OR10AG1: variants seen among roughly 807,000 people sequenced by gnomAD.
OR10AG1 encodes olfactory receptor family 10 subfamily AG member 1.
For synonymous variants in OR10AG1, 147 were observed against 128.6 expected (o/e 1.14, Z -0.97); for missense variants, 433 against 376.5 (o/e 1.15, Z -1.24).
chr11:55,966,769 C>T lies in OR10AG1; in HGVS notation c.*789G>A, dbSNP rs76938356. 3.9e-5 allele frequency: 6 copies of T among 152,128 alleles called. No individual in the cohort carries two copies. The East Asian group carries it at 9.7e-4, about 25-fold the overall frequency. 9.4% of individuals were successfully genotyped at this position (152,128 alleles called of 1,614,324 possible). A position where few individuals can be genotyped will look rare whatever the true frequency, so the allele number is the denominator to read the frequency against. On this transcript the variant is annotated 3_prime_UTR_variant, in exon 2 of 2. Coordinates refer to ENST00000641071, the MANE Select transcript of OR10AG1 (RefSeq NM_001005491.2). ...CTTTGTCTTTTATAATAACACTTGT[C>T]GTTGGACTTCATGTGCAACCTAAAT...
Position 55,967,852 on chromosome 11 carries a change from C to G in OR10AG1, c.672G>C (p.Leu224Phe). The G allele has an allele frequency of 6.2e-7, 1 of 1,614,074 alleles. No homozygotes were observed. Among genetic ancestry groups the G allele is most frequent in the Non-Finnish European group, 8.5e-7 (1 of 1,179,992 alleles). ...TAATTTTGCCATAAGAGACAACAATCAACAGAAATGGCACCGTGATAAACA... is the reference window on the plus strand; with the variant it reads ...TAATTTTGCCATAAGAGACAACAATGAACAGAAATGGCACCGTGATAAACA... ...AVVFITVPFL[L>F]IVVSYGKIIS... Residue 224 changes from leucine (L) to phenylalanine (F), a missense_variant, in exon 2 of 2, where the codon TTG becomes TTC. Physicochemically the swap from Leu to Phe is conservative, Grantham distance 22. Transcript: ENST00000641071.
At chr11:55,969,334 C>T (rs762991705) in intron 1 of OR10AG1, among the ~76,000 whole-genome samples, 2 of 152,044 alleles carry the variant, frequency 1.3e-5, no homozygotes, top group Non-Finnish European at 2.9e-5. Context: ...TTAAACCCAG[C>T]TAACATTTAC....
chr11:55,967,003 C>T lies in OR10AG1; in HGVS notation c.*555G>A, dbSNP rs1312691781. ...GCTACAAGGAAAGAAAATATGTTATCAGAGACGAGTAAGATGTAGGCAGTT... is the reference window on the plus strand; with the variant it reads ...GCTACAAGGAAAGAAAATATGTTATTAGAGACGAGTAAGATGTAGGCAGTT... On this transcript the variant is annotated 3_prime_UTR_variant, in exon 2 of 2. Transcript: ENST00000641071. The T allele has an allele frequency of 6.6e-6, 1 of 152,094 alleles. No homozygotes were observed. The highest frequency in any genetic ancestry group is 1.5e-5 in the Non-Finnish European group (1 of 68,074). The allele number at this position is 152,094 out of a possible 1,614,324, so 9.4% of individuals were successfully genotyped here. A position where few individuals can be genotyped will look rare whatever the true frequency, so the allele number is the denominator to read the frequency against.
intron 1 of OR10AG1, among the ~76,000 whole-genome samples, 151 bp downstream of exon 1, chr11:55,969,741 G>C (rs1852725102): frequency 6.6e-6 from 1 of 152,046 alleles, no homozygotes; most frequent in Admixed American, 6.6e-5. Flanking sequence ...TAACTTTGTA[G>C]TGAAGAGATA....
chr11:55,966,891 T>C lies in OR10AG1; in HGVS notation c.*667A>G, dbSNP rs914763521. On this transcript the variant is annotated 3_prime_UTR_variant, in exon 2 of 2. Coordinates refer to ENST00000641071, the MANE Select transcript of OR10AG1 (RefSeq NM_001005491.2). The stretch of plus-strand genomic sequence containing the variant: ...TTTGAAGGTTCTAGTTGGAGATTTC[T>C]ATTTTGAGGGTCCAACATTCAACCC... 5.3e-5 allele frequency: 8 copies of C among 152,106 alleles called. No homozygotes were observed. Among genetic ancestry groups the C allele is most frequent in the African/African-American group, 1.9e-4 (8 of 41,354 alleles). The allele number at this position is 152,106 out of a possible 1,614,324, so 9.4% of individuals were successfully genotyped here. A position where few individuals can be genotyped will look rare whatever the true frequency, so the allele number is the denominator to read the frequency against.
In OR10AG1 at chr11:55,967,534, T is replaced by C; in HGVS notation, c.*24A>G. Reference sequence around the variant, plus strand: ...ACATGACAAACCTATAAAGAAATTATTTCTGTAATTTCAAGTCTTCATCTC... The same window carrying C: ...ACATGACAAACCTATAAAGAAATTACTTCTGTAATTTCAAGTCTTCATCTC... On this transcript the variant is annotated 3_prime_UTR_variant, in exon 2 of 2. Coordinates refer to ENST00000641071, the MANE Select transcript of OR10AG1 (RefSeq NM_001005491.2). The C allele has an allele frequency of 1.4e-6, 2 of 1,445,664 alleles. No homozygotes were observed. Among genetic ancestry groups the C allele is most frequent in the African/African-American group, 1.4e-5 (1 of 70,114 alleles). 89.6% of individuals were successfully genotyped at this position (1,445,664 alleles called of 1,614,324 possible).
rs1590670676 is a variant in OR10AG1 at position 55,965,813 on chromosome 11, C to A, written c.*1745G>T. On this transcript the variant is annotated 3_prime_UTR_variant, in exon 2 of 2. Coordinates refer to ENST00000641071, the MANE Select transcript of OR10AG1 (RefSeq NM_001005491.2). ...AATTGTAAATTAAAATATAATAAAA[C>A]AGAAATCTTCTGAATTCTTGCCAGT... 1 of 151,950 alleles carries A rather than the reference C, an allele frequency of 6.6e-6. No homozygotes were observed. The highest frequency in any genetic ancestry group is 1.5e-5 in the Non-Finnish European group (1 of 67,968). 9.4% of individuals were successfully genotyped at this position (151,950 alleles called of 1,614,324 possible). A position where few individuals can be genotyped will look rare whatever the true frequency, so the allele number is the denominator to read the frequency against.
Position 55,967,547 on chromosome 11 carries a change from A to T in OR10AG1, c.*11T>A. 6.7e-7 allele frequency: 1 copy of T among 1,499,432 alleles called. No homozygotes were observed. The highest frequency in any genetic ancestry group is 9.1e-7 in the Non-Finnish European group (1 of 1,102,890). 92.9% of individuals were successfully genotyped at this position (1,499,432 alleles called of 1,614,324 possible). On this transcript the variant is annotated 3_prime_UTR_variant, in exon 2 of 2. Coordinates refer to ENST00000641071, the MANE Select transcript of OR10AG1 (RefSeq NM_001005491.2). ...ATAAAGAAATTATTTCTGTAATTTC[A>T]AGTCTTCATCTCATGTTAATAACTT...
rs1328227884 is a variant in OR10AG1, at chr11:55,968,358, T to A, written c.166A>T (p.Ile56Leu). 1.2e-6 allele frequency: 2 copies of A among 1,609,648 alleles called. No homozygotes were observed. The highest frequency in any genetic ancestry group is 2.7e-5 in the African/African-American group (2 of 74,846). ...GGGTGAATTTTTATTAGTAGTATTATGATGCCATTGCACATCAGGATCATC... is the reference window on the plus strand; with the variant it reads ...GGGTGAATTTTTATTAGTAGTATTAAGATGCCATTGCACATCAGGATCATC... ...YLMILMCNGI[I>L]ILLIKIHPAL... Residue 56 changes from isoleucine to leucine, a missense_variant, in exon 2 of 2, where the codon ATA becomes TTA. By Grantham distance (5) the Ile-to-Leu change is conservative (BLOSUM62 2). Transcript: ENST00000641071.
At position 55,968,373 on chromosome 11, in the gene OR10AG1, T is replaced by C; in HGVS notation, c.151A>G (p.Met51Val). ...AGTAGTATTATGATGCCATTGCACA[T>C]CAGGATCATCAAATACATAAGTAAA... ...IFLLMYLMIL[M>V]CNGIIILLIK... Residue 51 changes from methionine (M) to valine (V), a missense_variant, in exon 2 of 2, where the codon ATG (methionine) becomes GTG (valine). Met to Val is a conservative substitution (Grantham distance 21). Transcript: ENST00000641071. 5.0e-6 allele frequency: 8 copies of C among 1,605,496 alleles called. No individual in the cohort carries two copies. The highest frequency in any genetic ancestry group is 6.8e-6 in the Non-Finnish European group (8 of 1,172,706).
intron 1 of OR10AG1, among the ~76,000 whole-genome samples, chr11:55,969,669 T>C (rs561490627): frequency 9.2e-5 from 14 of 152,260 alleles, no homozygotes; most frequent in Admixed American, 4.6e-4. Flanking sequence ...GTTTTCAAAA[T>C]TGCCTTAAAT....
chr11:55,968,079 GGTTCATCAC>G lies in OR10AG1; in HGVS notation c.436_444del (p.Val146_Asn148del), dbSNP rs769527853. 1.2e-6 allele frequency: 2 copies of G among 1,614,020 alleles called. No homozygotes were observed. Among genetic ancestry groups the G allele is most frequent in the East Asian group, 4.5e-5 (2 of 44,870 alleles). ...ATTATCAGCTGAATGCAGACTTTGT[GGTTCATCAC>G]TAGAGGATACTGCAAAGGCTTACAA... On this transcript the variant is annotated inframe_deletion, in exon 2 of 2. Transcript: ENST00000641071.
At position 55,968,432 on chromosome 11, in the gene OR10AG1, A is replaced by G. The variant is rs1368155018; in HGVS notation, c.92T>C (p.Ile31Thr). The G allele has an allele frequency of 6.4e-7, 1 of 1,568,188 alleles. No individual in the cohort carries two copies. The highest frequency in any genetic ancestry group is 8.6e-7 in the Non-Finnish European group (1 of 1,159,172). ...AAAAAGCATCCAGTGGAGATTGGGA[A>G]TATCAGAAAACCCCAAAAGAACAAA... ...MEFVLLGFSD[I>T]PNLHWMLFSI... The change falls in exon 2 of 2, where the codon ATT becomes ACT. Residue 31 changes from isoleucine (I) to threonine (T), a missense_variant. By Grantham distance (89) the Ile-to-Thr change is moderately conservative (BLOSUM62 -1). Transcript: ENST00000641071.
In OR10AG1 at chr11:55,966,928, G is replaced by A. The variant is rs1165175188; in HGVS notation, c.*630C>T. 6.6e-6 allele frequency: 1 copy of A among 152,086 alleles called. No individual in the cohort carries two copies. The highest frequency in any genetic ancestry group is 1.5e-5 in the Non-Finnish European group (1 of 68,052). 9.4% of individuals were successfully genotyped at this position (152,086 alleles called of 1,614,324 possible). A position where few individuals can be genotyped will look rare whatever the true frequency, so the allele number is the denominator to read the frequency against. ...CCAACATTCAACCCAACACACATAG[G>A]TAAGGCTAGTTTAGGATGAAAACTA... On this transcript the variant is annotated 3_prime_UTR_variant, in exon 2 of 2. Transcript: ENST00000641071.
chr11:55,969,875 AC>A lies in OR10AG1; in HGVS notation c.16+16del. On this transcript the variant is annotated intron_variant, in intron 1 of 1. Coordinates refer to ENST00000641071, the MANE Select transcript of OR10AG1 (RefSeq NM_001005491.2). ...TATTCTTAAATAAAATAGTCTGTCA[AC>A]CCAATTATGGCTTACCTTTAGGGAT... 1 of 398,302 alleles carries A rather than the reference AC, an allele frequency of 2.5e-6. No homozygotes were observed. Among genetic ancestry groups the A allele is most frequent in the Non-Finnish European group, 4.4e-6 (1 of 225,934 alleles). 24.7% of individuals were successfully genotyped at this position (398,302 alleles called of 1,614,324 possible). A position where few individuals can be genotyped will look rare whatever the true frequency, so the allele number is the denominator to read the frequency against.
chr11:55,968,563 T>G (rs571651918), intron 1 of OR10AG1, 56 bp from the exon 2 acceptor site: 9 of 761,592 alleles, frequency 1.2e-5, no homozygotes, highest in Admixed American at 5.7e-5. Flanking sequence ...AACAATATTT[T>G]CCTCTTGGGT....
At chr11:55,968,587 T>C in intron 1 of OR10AG1, 80 bp from the exon 2 acceptor site, 1 of 604,424 alleles carries the variant, frequency 1.7e-6, no homozygotes, top group Non-Finnish European at 2.9e-6. Flanking sequence ...CTAAATGAGA[T>C]ACAGGAATAT....
At chr11:55,968,719 T>C (rs1371692615) in intron 1 of OR10AG1, among the ~76,000 whole-genome samples, 24 of 152,146 alleles carry the variant, frequency 1.6e-4, no homozygotes, top group Non-Finnish European at 4.4e-5. Flanking sequence ...TACTGGGATA[T>C]AATGCAACCA....
Position 55,967,622 on chromosome 11 carries a change from T to C in OR10AG1, c.902A>G (p.Tyr301Cys), listed in dbSNP as rs964759561. ...ILIPTLNPII[Y>C]TLRNKDIMVA... ...CATGATATCTTTGTTCCTCAGGGTA[T>C]ATATAATAGGATTCAAAGTTGGAAT... Residue 301 changes from tyrosine to cysteine, a missense_variant, in exon 2 of 2, where the codon TAT (tyrosine) becomes TGT (cysteine). Tyr to Cys is a radical substitution (Grantham distance 194). Transcript: ENST00000641071. 6 of 1,611,014 alleles carry C rather than the reference T, an allele frequency of 3.7e-6. No individual in the cohort carries two copies. The highest frequency in any genetic ancestry group is 2.7e-5 in the African/African-American group (2 of 74,688).
Sources: allele counts gnomAD v4.1 joint callset (sites outside exome capture counted in the v4.1 genomes callset), GRCh38; gene constraint gnomAD v4.1.1; transcripts MANE v1.5; gene names NCBI Gene and HGNC (gene_info 2026-07-23, HGNC 2026-07-21).